Variants in BMPR1B observed in about 807,000 individuals in gnomAD.
BMPR1B encodes bone morphogenetic protein receptor type 1B.
In BMPR1B, 12 loss-of-function variants were observed where a neutral mutation model predicts 59.1. That is an observed-to-expected ratio of 0.20 (90% CI 0.13 to 0.33). The LOEUF is 0.33. BMPR1B is among the 10% of genes least tolerant of loss of function. The pLI, the probability that BMPR1B is intolerant of heterozygous loss-of-function variation, is 1.00. For synonymous variants in BMPR1B, 237 were observed against 207.3 expected, an observed-to-expected ratio of 1.14 and a Z score of -1.23; for missense variants, 550 against 610.9, an observed-to-expected ratio of 0.90 and a Z score of 1.05.
chr4:95,037,650 T>C (rs1725355955), intron 3 of BMPR1B, among the ~76,000 whole-genome samples: 1 of 152,108 alleles, frequency 6.6e-6, no homozygotes, highest in Non-Finnish European at 1.5e-5. Flanking sequence ...CTAAGAAAAG[T>C]ACATTTGTTG....
At chr4:94,879,916 G>T (rs565292081) in intron 2 of BMPR1B, among the ~76,000 whole-genome samples, 5 of 152,076 alleles carry the variant, frequency 3.3e-5, no homozygotes, top group African/African-American at 9.7e-5. Flanking sequence ...CATATGGATC[G>T]TTTGGAATTC....
intron 2 of BMPR1B, among the ~76,000 whole-genome samples, chr4:94,956,877 T>C (rs1343202491): frequency 6.6e-6 from 1 of 152,214 alleles, no homozygotes; most frequent in East Asian, 1.9e-4. Context: ...TAATGGGCTT[T>C]AGGTCGTATT....
chr4:95,148,558 A>G (rs1299110016), intron 10 of BMPR1B, among the ~76,000 whole-genome samples, 190 bp from the exon 11 acceptor site: 1 of 152,076 alleles, frequency 6.6e-6, no homozygotes, highest in Middle Eastern at 3.2e-3. Context: ...CTTGCCTTTC[A>G]TTGGCTTTTA....
chr4:94,835,623 T>A (rs1258712261), intron 1 of BMPR1B, among the ~76,000 whole-genome samples: 2 of 151,538 alleles, frequency 1.3e-5, no homozygotes, highest in African/African-American at 2.4e-5. Context: ...ATTTTTAGAT[T>A]CAAATTTAAA....
At chr4:95,004,173 C>T (rs555963672) in intron 3 of BMPR1B, among the ~76,000 whole-genome samples, 232 of 152,166 alleles carry the variant, frequency 1.5e-3, no homozygotes, top group Admixed American at 2.7e-3. Flanking sequence ...AAAAAGACAT[C>T]ATTTGAAATT....
At chr4:95,070,777 A>C (rs1301773709) in intron 3 of BMPR1B, among the ~76,000 whole-genome samples, 1 of 152,220 alleles carries the variant, frequency 6.6e-6, no homozygotes, top group Non-Finnish European at 1.5e-5. Flanking sequence ...AAATAGAAAA[A>C]GAAAACTTTA....
At chr4:94,809,748 TA>T (rs1723743039) in intron 1 of BMPR1B, among the ~76,000 whole-genome samples, 1 of 152,248 alleles carries the variant, frequency 6.6e-6, no homozygotes, top group South Asian at 2.1e-4. Context: ...GGATTCAGCA[TA>T]CCAGTTAGCT....
At chr4:94,904,979 A>G (rs1397616172) in intron 2 of BMPR1B, among the ~76,000 whole-genome samples, 1 of 152,064 alleles carries the variant, frequency 6.6e-6, no homozygotes, top group East Asian at 1.9e-4. Context: ...TCTGAGCTTT[A>G]AAAGTCTTGG....
intron 3 of BMPR1B, among the ~76,000 whole-genome samples, chr4:95,007,041 G>A (rs1279762158): frequency 1.3e-5 from 2 of 152,038 alleles, no homozygotes; most frequent in Non-Finnish European, 1.5e-5. Context: ...TGATATTTAC[G>A]AACATTAATA....
intron 2 of BMPR1B, among the ~76,000 whole-genome samples, chr4:94,941,771 C>T (rs886603239): frequency 6.6e-6 from 1 of 151,954 alleles, no homozygotes; most frequent in Admixed American, 6.6e-5. Flanking sequence ...TAATTTGTTG[C>T]TTTTTCATCA....
At chr4:94,779,181 A>C (rs180910343) in intron 1 of BMPR1B, among the ~76,000 whole-genome samples, 14 of 152,224 alleles carry the variant, frequency 9.2e-5, no homozygotes, top group Admixed American at 3.9e-4. Flanking sequence ...TTAAGGTCCA[A>C]TTCTATTTTT....
At chr4:94,930,478 C>T (rs1729057545) in intron 2 of BMPR1B, among the ~76,000 whole-genome samples, 1 of 152,094 alleles carries the variant, frequency 6.6e-6, no homozygotes, top group Non-Finnish European at 1.5e-5. Context: ...CTTTCTTATT[C>T]ACTACACTTT....
At chr4:94,981,240 A>G (rs184515638) in intron 2 of BMPR1B, among the ~76,000 whole-genome samples, 35 of 149,992 alleles carry the variant, frequency 2.3e-4, no homozygotes, top group Admixed American at 1.7e-3. Context: ...GGTATGCTCT[A>G]TTGCCCAGTT....
At chr4:94,808,055 T>C (rs1215905830) in intron 1 of BMPR1B, among the ~76,000 whole-genome samples, 1 of 152,198 alleles carries the variant, frequency 6.6e-6, no homozygotes, top group Non-Finnish European at 1.5e-5. Flanking sequence ...AAAATATTTA[T>C]AAATTGTAAA....
intron 1 of BMPR1B, among the ~76,000 whole-genome samples, chr4:94,760,132 G>A (rs987198383): frequency 6.6e-6 from 1 of 152,156 alleles, no homozygotes; most frequent in Non-Finnish European, 1.5e-5. Context: ...AAATCAAAAT[G>A]TTAGTTTTTG....
At chr4:94,970,710 C>G (rs902520263) in intron 2 of BMPR1B, among the ~76,000 whole-genome samples, 1 of 152,094 alleles carries the variant, frequency 6.6e-6, no homozygotes, top group African/African-American at 2.4e-5. Flanking sequence ...TTGATAGCAT[C>G]ACACAATGTG....
chr4:94,879,867 A>G (rs1726888841), intron 2 of BMPR1B, among the ~76,000 whole-genome samples: 1 of 152,182 alleles, frequency 6.6e-6, no homozygotes, highest in Non-Finnish European at 1.5e-5. Flanking sequence ...TTTAAAAGAA[A>G]AAAACAATGT....
chr4:95,066,624 G>A (rs889863559), intron 3 of BMPR1B, among the ~76,000 whole-genome samples: 5 of 152,122 alleles, frequency 3.3e-5, no homozygotes, highest in African/African-American at 9.7e-5. Flanking sequence ...TTGTGTGAGG[G>A]AGTGGAAATT....
chr4:94,926,227 T>C (rs79047511), intron 2 of BMPR1B, among the ~76,000 whole-genome samples: 126 of 151,966 alleles, frequency 8.3e-4, no homozygotes, highest in Non-Finnish European at 1.6e-3. Flanking sequence ...ATAGGTATGC[T>C]CTTTCACTTT....
Sources: gnomAD v4.1 joint callset for allele counts (sites outside exome capture counted in the v4.1 genomes callset) on GRCh38, gnomAD v4.1.1 for gene constraint, MANE v1.5 for transcripts, NCBI Gene and HGNC (gene_info 2026-07-23, HGNC 2026-07-21) for gene names.